The following AGBL4 variants were observed in gnomAD, a reference collection of about 807,000 sequenced individuals.
The protein encoded by AGBL4 is AGBL carboxypeptidase 4.
In AGBL4, 58 loss-of-function variants were observed where a neutral mutation model predicts 66.4. That is an observed-to-expected ratio of 0.87 (90% CI 0.71 to 1.09). The LOEUF is 1.09. Among genes scored for constraint, AGBL4 ranks in the 50% least tolerant of loss-of-function variants. AGBL4 has a pLI of 0.00. For synonymous variants in AGBL4, 234 were observed against 222.9 expected (o/e 1.05, Z -0.44); for missense variants, 579 against 631.0 (o/e 0.92, Z 0.88).
At chr1:49,135,692 T>C (rs1325742048) in intron 4 of AGBL4, among the ~76,000 whole-genome samples, 3 of 152,202 alleles carry the variant, frequency 2.0e-5, no homozygotes, top group South Asian at 4.1e-4. Context: ...GCTCATGCTA[T>C]TGTTTGTGGC....
chr1:49,733,715 C>T (rs1050365178), intron 2 of AGBL4, among the ~76,000 whole-genome samples: 1 of 152,106 alleles, frequency 6.6e-6, no homozygotes, highest in Non-Finnish European at 1.5e-5. Context: ...AGATTAATGC[C>T]ACTATTTTTA....
chr1:48,882,207 T>A (rs1649860833), intron 5 of AGBL4, among the ~76,000 whole-genome samples: 1 of 152,218 alleles, frequency 6.6e-6, no homozygotes, highest in Non-Finnish European at 1.5e-5. Context: ...AATGTGATCA[T>A]GCTGCCCCTG....
At chr1:48,834,366 C>T (rs1338803135) in intron 6 of AGBL4, among the ~76,000 whole-genome samples, 4 of 152,026 alleles carry the variant, frequency 2.6e-5, no homozygotes, top group Non-Finnish European at 2.9e-5. Context: ...CATGAGAGAA[C>T]GATGTGAATA....
At chr1:49,977,312 C>A (rs1348022037) in intron 1 of AGBL4, among the ~76,000 whole-genome samples, 2 of 151,848 alleles carry the variant, frequency 1.3e-5, no homozygotes, top group East Asian at 3.9e-4. Flanking sequence ...ATGGGCTTCA[C>A]CTCTCGTCTT....
At chr1:49,495,022 CA>C (rs2148751601) in intron 3 of AGBL4, among the ~76,000 whole-genome samples, 1 of 152,108 alleles carries the variant, frequency 6.6e-6, no homozygotes, top group South Asian at 2.1e-4. Context: ...AATTTTTAAG[CA>C]GTTAAATTTA....
At chr1:48,579,911 G>A (rs1348079072) in intron 11 of AGBL4, among the ~76,000 whole-genome samples, 4 of 106,284 alleles carry the variant, frequency 3.8e-5, no homozygotes, top group South Asian at 3.2e-4. Flanking sequence ...GTGAGACTCC[G>A]CCTCAAAAAA....
rs141241329 is a variant in AGBL4, at chr1:49,394,498, C to T, written c.283-148634G>A. Reference sequence around the variant, plus strand: ...AACACAGGGTCAGACTGCTCCCACCCCACATCACTGTTGCCTCATATTTCA... The same window carrying T: ...AACACAGGGTCAGACTGCTCCCACCTCACATCACTGTTGCCTCATATTTCA... On this transcript the variant is annotated intron_variant, in intron 3 of 13. Coordinates refer to ENST00000371839, the MANE Select transcript of AGBL4 (RefSeq NM_032785.4). Among the ~76,000 whole-genome samples, 766 of 152,104 alleles carry T rather than the reference C, an allele frequency of 5.0e-3. 4 individuals are homozygous for T. The highest frequency in any genetic ancestry group is 8.3e-3 in the Admixed American group (126 of 15,260).
At chr1:49,836,707 C>G (rs1379402086) in intron 2 of AGBL4, among the ~76,000 whole-genome samples, 1 of 152,120 alleles carries the variant, frequency 6.6e-6, no homozygotes, top group Admixed American at 6.5e-5. Context: ...TCCTCATCTT[C>G]GTGTATTTAT....
intron 4 of AGBL4, among the ~76,000 whole-genome samples, chr1:49,123,190 T>C (rs1645695648): frequency 6.6e-6 from 1 of 152,188 alleles, no homozygotes; most frequent in South Asian, 2.1e-4. Context: ...ACTATTGTTA[T>C]TATAGTATCG....
intron 3 of AGBL4, among the ~76,000 whole-genome samples, chr1:49,281,124 G>A (rs1343408361): frequency 6.6e-6 from 1 of 152,032 alleles, no homozygotes; most frequent in Admixed American, 6.6e-5. Context: ...ACAGATTTGG[G>A]AACTAATAAG....
chr1:49,859,360 C>G (rs897717381), intron 1 of AGBL4, among the ~76,000 whole-genome samples: 1 of 152,096 alleles, frequency 6.6e-6, no homozygotes, highest in Non-Finnish European at 1.5e-5. Flanking sequence ...AAATCAAATC[C>G]ATCAGTCTGA....
In AGBL4 at chr1:49,282,661, C is replaced by T. The variant is rs560178913; in HGVS notation, c.283-36797G>A. Among the ~76,000 whole-genome samples, 6 of 152,324 alleles carry T rather than the reference C, an allele frequency of 3.9e-5. 1 individual carries two copies. In the South Asian group the frequency reaches 1.2e-3, roughly 32 times the overall value. Reference sequence around the variant, plus strand: ...GACAGTGGGCGCAGGTCAGTAGGTGCTCGCACCGTGCGCGAGCCAAAGCAG... The same window carrying T: ...GACAGTGGGCGCAGGTCAGTAGGTGTTCGCACCGTGCGCGAGCCAAAGCAG... On this transcript the variant is annotated intron_variant, in intron 3 of 13. Transcript: ENST00000371839.
rs1375998871 is a variant in AGBL4 at position 49,096,402 on chromosome 1, C to T, written c.378-50602G>A. ...GACACATGCACACGTATGTTTATTGCGGCACTATTCACAACAGCAAAGACT... is the reference window on the plus strand; with the variant it reads ...GACACATGCACACGTATGTTTATTGTGGCACTATTCACAACAGCAAAGACT... On this transcript the variant is annotated intron_variant, in intron 4 of 13. Transcript: ENST00000371839. Among the ~76,000 whole-genome samples the T allele has an allele frequency of 1.7e-3, 257 of 151,840 alleles. 4 individuals are homozygous for T. Among genetic ancestry groups the T allele is most frequent in the African/African-American group, 5.8e-3 (238 of 41,386 alleles).
At chr1:48,632,857 G>A (rs1557841688) in intron 9 of AGBL4, among the ~76,000 whole-genome samples, 2 of 152,242 alleles carry the variant, frequency 1.3e-5, no homozygotes, top group African/African-American at 4.8e-5. Flanking sequence ...GCAGACTACA[G>A]ATTCTTCCTG....
At chr1:48,680,330 C>T (rs1402098156) in intron 6 of AGBL4, among the ~76,000 whole-genome samples, 2 of 152,196 alleles carry the variant, frequency 1.3e-5, no homozygotes, top group African/African-American at 2.4e-5. Flanking sequence ...TGTCCGTTAC[C>T]TTGCAAACTG....
intron 4 of AGBL4, among the ~76,000 whole-genome samples, chr1:49,166,089 A>C (rs1419946300): frequency 6.6e-6 from 1 of 152,160 alleles, no homozygotes; most frequent in East Asian, 1.9e-4. Context: ...GCAATTTAAC[A>C]TTTAACAACT....
intron 3 of AGBL4, among the ~76,000 whole-genome samples, chr1:49,548,496 AT>A (rs1283131833): frequency 3.3e-5 from 5 of 152,062 alleles, no homozygotes; most frequent in African/African-American, 1.2e-4. Flanking sequence ...GTGATGCTGG[AT>A]TTTGTCAACT....
chr1:49,603,123 G>A (rs1425358496), intron 3 of AGBL4, among the ~76,000 whole-genome samples: 1 of 152,110 alleles, frequency 6.6e-6, no homozygotes, highest in Non-Finnish European at 1.5e-5. Context: ...TCAAACCCCT[G>A]CTCCTAGCAG....
chr1:49,734,671 G>C (rs1649722885), intron 2 of AGBL4, among the ~76,000 whole-genome samples: 1 of 152,004 alleles, frequency 6.6e-6, no homozygotes, highest in Non-Finnish European at 1.5e-5. Context: ...AACCAGTATA[G>C]TCTCAATATC....
Sources: gnomAD v4.1 joint callset for allele counts (sites outside exome capture counted in the v4.1 genomes callset) on GRCh38, gnomAD v4.1.1 for gene constraint, MANE v1.5 for transcripts, NCBI Gene and HGNC (gene_info 2026-07-23, HGNC 2026-07-21) for gene names.